Variants in NPSR1 observed in about 807,000 individuals in gnomAD.
NPSR1 encodes the protein neuropeptide S receptor.
A neutral mutation model predicts 46.9 loss-of-function variants in NPSR1; 48 were observed. The observed-to-expected ratio is 1.02, with a 90% CI of 0.81 to 1.30. The LOEUF (loss-of-function observed/expected upper bound fraction) is 1.30, where lower values mean the gene tolerates loss of function less well. Among genes scored for constraint, NPSR1 ranks in the 50% most tolerant of loss-of-function variants. The pLI is 0.00. For synonymous variants in NPSR1, 176 were observed against 168.1 expected (o/e 1.05, Z -0.36); for missense variants, 450 against 449.5 (o/e 1.00, Z -0.01).
intron 8 of NPSR1, among the ~76,000 whole-genome samples, chr7:34,873,377 T>C (rs1217743821): frequency 2.0e-5 from 3 of 151,800 alleles, no homozygotes; most frequent in East Asian, 1.9e-4. Context: ...TTTTGTGTTA[T>C]GCCATTCTTA....
At chr7:34,722,655 ATGGTGG>A (rs1375808237) in intron 2 of NPSR1, among the ~76,000 whole-genome samples, 1 of 152,226 alleles carries the variant, frequency 6.6e-6, no homozygotes, top group Non-Finnish European at 1.5e-5. Context: ...GTGAGAGGTG[ATGGTGG>A]TCTAAATCCA....
intron 2 of NPSR1, among the ~76,000 whole-genome samples, chr7:34,776,220 G>T (rs1786950794): frequency 1.3e-5 from 2 of 152,020 alleles, no homozygotes; most frequent in African/African-American, 4.8e-5. Context: ...CTGTTGTTTG[G>T]TCTATAGCGC....
chr7:34,731,839 A>G (rs889872494), intron 2 of NPSR1, among the ~76,000 whole-genome samples: 19 of 152,146 alleles, frequency 1.2e-4, no homozygotes, highest in African/African-American at 4.3e-4. Flanking sequence ...ACGTGTGAAA[A>G]GAGAGGAACA....
intron 7 of NPSR1, chr7:34,845,601 TAA>T (rs1584136636): frequency 2.2e-6 from 1 of 455,882 alleles, no homozygotes; most frequent in East Asian, 6.9e-5. Context: ...TAAGTCTTTT[TAA>T]ATATCCTTTT....
chr7:34,875,255 T>G (rs1229271938), intron 8 of NPSR1, among the ~76,000 whole-genome samples: 1 of 152,178 alleles, frequency 6.6e-6, no homozygotes, highest in Non-Finnish European at 1.5e-5. Context: ...CCTTTGCTAG[T>G]AAAAAACAGG....
intron 8 of NPSR1, among the ~76,000 whole-genome samples, chr7:34,862,589 C>T (rs1791214814): frequency 1.3e-5 from 2 of 151,750 alleles, no homozygotes; most frequent in African/African-American, 4.9e-5. Context: ...ACTCATACAG[C>T]TTCTCTGTAG....
chr7:34,686,825 A>C (rs989777447), intron 2 of NPSR1, among the ~76,000 whole-genome samples: 2 of 151,944 alleles, frequency 1.3e-5, no homozygotes, highest in Non-Finnish European at 2.9e-5. Flanking sequence ...TAATATAATG[A>C]TATTGTATCA....
At chr7:34,765,729 G>A (rs1316700643) in intron 2 of NPSR1, among the ~76,000 whole-genome samples, 1 of 152,200 alleles carries the variant, frequency 6.6e-6, no homozygotes, top group Non-Finnish European at 1.5e-5. Context: ...TCGTAGAAAA[G>A]AATGAAATCA....
intron 2 of NPSR1, among the ~76,000 whole-genome samples, chr7:34,762,635 A>G (rs1401757106): frequency 6.6e-6 from 1 of 152,080 alleles, no homozygotes; most frequent in African/African-American, 2.4e-5. Context: ...ATATATACAC[A>G]CTCGCTTTAA....
At position 34,658,385 on chromosome 7, in the gene NPSR1, G is replaced by A; in HGVS notation, c.-28G>A. The A allele has an allele frequency of 6.2e-7, 1 of 1,612,164 alleles. No individual in the cohort carries two copies. Among genetic ancestry groups the A allele is most frequent in the East Asian group, 2.2e-5 (1 of 44,846 alleles). On this transcript the variant is annotated 5_prime_UTR_variant, in exon 1 of 9. Coordinates refer to ENST00000360581, the MANE Select transcript of NPSR1 (RefSeq NM_207172.2). ...TCCCTCACTCAGCTGCAGGAGCAAG[G>A]ACAGTGAGGCTCAACCCCGCCTGAG...
intron 2 of NPSR1, among the ~76,000 whole-genome samples, chr7:34,689,838 G>T (rs1793154988): frequency 6.6e-6 from 1 of 151,500 alleles, no homozygotes; most frequent in East Asian, 1.9e-4. Flanking sequence ...CCAGTTGCCA[G>T]GGAGGCTGAG....
rs1233324397 is a variant in NPSR1, at chr7:34,791,002, T to A, written c.384+12437T>A. ...TATGTTATATTATATATGTTATATG[T>A]TATATGTTATATTATATATGTTATA... On this transcript the variant is annotated intron_variant, in intron 3 of 8. Transcript: ENST00000360581. Among the ~76,000 whole-genome samples, 64 of 122,466 alleles carry A rather than the reference T, an allele frequency of 5.2e-4. 2 individuals carry two copies. Among genetic ancestry groups the A allele is most frequent in the African/African-American group, 2.2e-3 (63 of 29,126 alleles). The allele number at this position is 122,466 out of a possible 152,430, so 80.3% of individuals were successfully genotyped here. A position where few individuals can be genotyped will look rare whatever the true frequency, so the allele number is the denominator to read the frequency against.
chr7:34,804,191 AC>A (rs1788574005), intron 3 of NPSR1, among the ~76,000 whole-genome samples: 1 of 152,068 alleles, frequency 6.6e-6, no homozygotes, highest in African/African-American at 2.4e-5. Context: ...TAATTCTAAA[AC>A]CAATGATATT....
chr7:34,756,735 A>T (rs574748780), intron 2 of NPSR1, among the ~76,000 whole-genome samples: 5 of 152,240 alleles, frequency 3.3e-5, no homozygotes, highest in Admixed American at 6.5e-5. Flanking sequence ...AAAATGGAGG[A>T]CAAAGTCTAG....
chr7:34,728,968 T>C (rs1489971971), intron 2 of NPSR1, among the ~76,000 whole-genome samples: 1 of 152,204 alleles, frequency 6.6e-6, no homozygotes, highest in African/African-American at 2.4e-5. Flanking sequence ...AGAATGAAAG[T>C]TAAATTAGAA....
intron 8 of NPSR1, among the ~76,000 whole-genome samples, chr7:34,862,681 T>G (rs1272613869): frequency 1.3e-5 from 2 of 151,740 alleles, no homozygotes; most frequent in Non-Finnish European, 2.9e-5. Context: ...ACTAATTAAA[T>G]TTCTACAAGA....
intron 2 of NPSR1, among the ~76,000 whole-genome samples, chr7:34,763,523 A>T (rs893476161): frequency 1.3e-5 from 2 of 152,192 alleles, no homozygotes; most frequent in African/African-American, 2.4e-5. Context: ...ATACAAAAAA[A>T]AATAATGTGT....
chr7:34,663,043 C>CTCTCTCTCTCTCTCTCTCTCTA (rs1791537884), intron 1 of NPSR1, among the ~76,000 whole-genome samples: 1 of 112,060 alleles, frequency 8.9e-6, no homozygotes, highest in Admixed American at 8.2e-5. Flanking sequence ...TAGTGCATTT[C>CTCTCTCTCTCTCTCTCTCTCTA]TCTCTCTCTC....
chr7:34,878,290 G>A (rs1427067901), exon 9 of NPSR1: 2 of 591,748 alleles, frequency 3.4e-6, no homozygotes, highest in Non-Finnish European at 6.2e-6. Flanking sequence ...ACAGCAGGAT[G>A]GCCTGCATCA....
Sources: gnomAD v4.1 joint callset for allele counts (sites outside exome capture counted in the v4.1 genomes callset) on GRCh38, gnomAD v4.1.1 for gene constraint, MANE v1.5 for transcripts, NCBI Gene and HGNC (gene_info 2026-07-23, HGNC 2026-07-21) for gene names.